Variants in RAD51D observed in about 807,000 individuals in gnomAD.
RAD51D encodes the protein RAD51 paralog D.
RAD51D carries 38 observed loss-of-function variants against 44.1 expected under a neutral mutation model. That is an observed-to-expected ratio of 0.86 (90% CI 0.67 to 1.13). The LOEUF (loss-of-function observed/expected upper bound fraction) is 1.13, where lower values mean the gene tolerates loss of function less well. Among genes scored for constraint, RAD51D ranks in the 50% most tolerant of loss-of-function variants. The pLI is 0.00. For synonymous variants in RAD51D, 141 were observed against 166.6 expected (o/e 0.85, Z 1.18); for missense variants, 390 against 414.0 (o/e 0.94, Z 0.50).
chr17:35,113,271 ATTTT>A (rs377252265), intron 3 of RAD51D, among the ~76,000 whole-genome samples: 1 of 147,284 alleles, frequency 6.8e-6, no homozygotes, highest in African/African-American at 2.5e-5. Flanking sequence ...CATCCCATCC[ATTTT>A]TTTTTTCTTT....
In RAD51D at chr17:35,119,130, T is replaced by G. The variant is rs2091788311; in HGVS notation, c.125A>C (p.Lys42Thr). 2 of 1,613,774 alleles carry G rather than the reference T, an allele frequency of 1.2e-6. No homozygotes were observed. The highest frequency in any genetic ancestry group is 2.7e-5 in the African/African-American group (2 of 74,928). The change falls in exon 2 of 10, where the codon AAA (lysine) becomes ACA (threonine). Residue 42 changes from lysine (K) to threonine (T), a missense_variant. Transcript: ENST00000345365. ...GCTCACCTTGTAAGACAAGCCACATTTCTGAGCTACCTCTTCCAGGTCTGC... is the reference window on the plus strand; with the variant it reads ...GCTCACCTTGTAAGACAAGCCACATGTCTGAGCTACCTCTTCCAGGTCTGC... ...VSADLEEVAQ[K>T]CGLSYKALVA...
At chr17:35,105,976 G>T (rs753318224) in intron 6 of RAD51D, among the ~76,000 whole-genome samples, 7 of 152,284 alleles carry the variant, frequency 4.6e-5, no homozygotes, top group Non-Finnish European at 1.0e-4. Flanking sequence ...ACCATGAGGG[G>T]AAGAACAAGA....
At chr17:35,115,356 A>T (rs912001809) in intron 3 of RAD51D, 2 of 498,306 alleles carry the variant, frequency 4.0e-6, no homozygotes, top group Non-Finnish European at 8.0e-6. Context: ...ATAAGGAATA[A>T]TCAATCTCCC....
chr17:35,099,194 G>A lies in RAD51D; in HGVS notation c.*1759C>T, dbSNP rs1402872824. On this transcript the variant is annotated 3_prime_UTR_variant, in exon 10 of 10. Coordinates refer to ENST00000345365, the MANE Select transcript of RAD51D (RefSeq NM_002878.4). ...CTGCAGTCCTAGGGTCCTCAGTTAG[G>A]TATTAAGTACCTGAACTCACTACAT... 1.3e-5 allele frequency: 2 copies of A among 154,920 alleles called. No homozygotes were observed. The allele number at this position is 154,920 out of a possible 1,614,324, so 9.6% of individuals were successfully genotyped here.
chr17:35,117,199 G>A (rs1047520101), intron 3 of RAD51D, among the ~76,000 whole-genome samples: 2 of 152,118 alleles, frequency 1.3e-5, no homozygotes, highest in Non-Finnish European at 2.9e-5. Context: ...TGCCTCATTC[G>A]TGTATGTATC....
chr17:35,108,022 T>C (rs1364328686), intron 3 of RAD51D, among the ~76,000 whole-genome samples: 1 of 151,872 alleles, frequency 6.6e-6, no homozygotes, highest in African/African-American at 2.4e-5. Context: ...AGTGCTGCAA[T>C]TATAGGCGTG....
chr17:35,098,651 C>T lies in RAD51D; in HGVS notation c.*2302G>A, dbSNP rs2091503911. 6.6e-6 allele frequency: 1 copy of T among 152,044 alleles called. No homozygotes were observed. The highest frequency in any genetic ancestry group is 6.6e-5 in the Admixed American group (1 of 15,226). The allele number at this position is 152,044 out of a possible 1,614,324, so 9.4% of individuals were successfully genotyped here. On this transcript the variant is annotated 3_prime_UTR_variant, in exon 10 of 10. Transcript: ENST00000345365. ...GAACTCCTGACCTTAGGTGATCCAC[C>T]CACCTCAGCCTCCCAAAGTGCTGGG... is the stretch of plus-strand genomic sequence containing the variant.
In RAD51D at chr17:35,103,071, A is replaced by C. The variant is rs1272486961; in HGVS notation, c.738+183T>G. On this transcript the variant is annotated intron_variant, in intron 8 of 9. Transcript: ENST00000345365. The surrounding 1 kb of genome is among the most constrained non-coding windows in gnomAD (Gnocchi z 4.1). ...TAGAAACAAAACAAAACAACAAAAA[A>C]ACAACAAGACGATTCCTGATTCCCT... Among the ~76,000 whole-genome samples the C allele has an allele frequency of 1.3e-5, 2 of 152,164 alleles. No individual in the cohort carries two copies. The highest frequency in any genetic ancestry group is 1.3e-4 in the Admixed American group (2 of 15,274).
In RAD51D at chr17:35,095,967, C is replaced by G. The variant is rs2091484012; in HGVS notation, c.*4986G>C. On this transcript the variant is annotated 3_prime_UTR_variant, in exon 10 of 10. Coordinates refer to ENST00000345365, the MANE Select transcript of RAD51D (RefSeq NM_002878.4). ...AGTGGGTTCCAGGCAGCCAACTATT[C>G]AAACCATTTTCAAATAAGGCAAAGG... is the stretch of plus-strand genomic sequence containing the variant. 6.6e-6 allele frequency: 1 copy of G among 152,162 alleles called. No individual in the cohort carries two copies. The highest frequency in any genetic ancestry group is 2.4e-5 in the African/African-American group (1 of 41,440). The allele number at this position is 152,162 out of a possible 1,614,324, so 9.4% of individuals were successfully genotyped here.
Position 35,094,112 on chromosome 17 carries a change from GTTT to G in RAD51D, c.*6838_*6840del, listed in dbSNP as rs1425587481. The stretch of plus-strand genomic sequence containing the variant: ...GGATGCATAGGCCCTGTTTTGTTTT[GTTT>G]TTTTGAGATGGAGTCTTGTTCCGTC... On this transcript the variant is annotated 3_prime_UTR_variant, in exon 10 of 10. Transcript: ENST00000345365. 1 of 152,246 alleles carries G rather than the reference GTTT, an allele frequency of 6.6e-6. No homozygotes were observed. Among genetic ancestry groups the G allele is most frequent in the East Asian group, 1.9e-4 (1 of 5,200 alleles). 9.4% of individuals were successfully genotyped at this position (152,246 alleles called of 1,614,324 possible).
In RAD51D at chr17:35,100,064, G is replaced by A. The variant is rs568016215; in HGVS notation, c.*889C>T. 9.4e-6 allele frequency: 5 copies of A among 532,776 alleles called. No homozygotes were observed. Among genetic ancestry groups the A allele is most frequent in the South Asian group, 7.7e-5 (5 of 65,168 alleles). The allele number at this position is 532,776 out of a possible 1,614,324, so 33.0% of individuals were successfully genotyped here. ...TTTCCCAGCTGGCTCTATTTACTGT[G>A]CAAATTCTCCTCTGTCTGTTTATGG... On this transcript the variant is annotated 3_prime_UTR_variant, in exon 10 of 10. Transcript: ENST00000345365.
At chr17:35,116,716 G>C in intron 3 of RAD51D, 1 of 661,578 alleles carries the variant, frequency 1.5e-6, no homozygotes, top group Admixed American at 2.3e-5. Context: ...GGACAGTCTC[G>C]ATTTCCTGAC....
intron 3 of RAD51D, 76 bp from the exon 4 acceptor site, chr17:35,107,523 A>C (rs535777138): frequency 9.2e-6 from 11 of 1,191,784 alleles, no homozygotes; most frequent in Non-Finnish European, 1.4e-5. Flanking sequence ...GAAGAAAAGT[A>C]AGACATTTCT....
chr17:35,107,228 C>A (rs367651345), intron 4 of RAD51D, 106 bp from the exon 5 acceptor site: 1 of 1,491,756 alleles, frequency 6.7e-7, no homozygotes, highest in South Asian at 1.1e-5. Context: ...GGCTGAGTCC[C>A]GACCCCATTC....
At position 35,099,513 on chromosome 17, in the gene RAD51D, G is replaced by A; in HGVS notation, c.*1440C>T. The stretch of plus-strand genomic sequence containing the variant: ...AAGATACTGAAGATTAATTTCTCCT[G>A]AGGTCTTCTGTGAAAGCAAGCGCTA... On this transcript the variant is annotated 3_prime_UTR_variant, in exon 10 of 10. Transcript: ENST00000345365. The A allele has an allele frequency of 3.8e-6, 1 of 264,980 alleles. No individual in the cohort carries two copies. Among genetic ancestry groups the A allele is most frequent in the South Asian group, 4.5e-5 (1 of 22,344 alleles). 16.4% of individuals were successfully genotyped at this position (264,980 alleles called of 1,614,324 possible). A position where few individuals can be genotyped will look rare whatever the true frequency, so the allele number is the denominator to read the frequency against.
chr17:35,109,348 T>C (rs2091648637), intron 3 of RAD51D, among the ~76,000 whole-genome samples: 1 of 152,226 alleles, frequency 6.6e-6, no homozygotes, highest in Non-Finnish European at 1.5e-5. Flanking sequence ...CTACTATAAA[T>C]AAAACTGCTA....
rs567683181 is a variant in RAD51D at position 35,118,713 on chromosome 17, C to T, written c.145-94G>A. 337 of 938,062 alleles carry T rather than the reference C, an allele frequency of 3.6e-4. 3 individuals carry two copies. Among genetic ancestry groups the T allele is most frequent in the Middle Eastern group, 2.5e-3 (10 of 3,976 alleles). 58.1% of individuals were successfully genotyped at this position (938,062 alleles called of 1,614,324 possible). On this transcript the variant is annotated intron_variant, in intron 2 of 9. Transcript: ENST00000345365. ...ACCCTACTTCTCAATATCTGAGAAC[C>T]CTCTGCTCCCTTTGGCTTGGGATGG... is the stretch of plus-strand genomic sequence containing the variant.
rs201720876 is a variant in RAD51D at position 35,117,027 on chromosome 17, G to A, written c.263+1474C>T. 187 of 1,612,642 alleles carry A rather than the reference G, an allele frequency of 1.2e-4. No homozygotes were observed. The East Asian group carries it at 3.1e-3, about 26-fold the overall frequency. Reference sequence around the variant, plus strand: ...TCCTCCCAGGTTCCCACTTGAGTGCGCCCTCCATGTCTGTTGGATTTATAA... The same window carrying A: ...TCCTCCCAGGTTCCCACTTGAGTGCACCCTCCATGTCTGTTGGATTTATAA... On this transcript the variant is annotated intron_variant, in intron 3 of 9. Coordinates refer to ENST00000345365, the MANE Select transcript of RAD51D (RefSeq NM_002878.4).
chr17:35,116,684 C>T (rs2091752436), intron 3 of RAD51D, among the ~76,000 whole-genome samples: 3 of 152,100 alleles, frequency 2.0e-5, no homozygotes, highest in Admixed American at 6.6e-5. Flanking sequence ...TTAGTAGAGA[C>T]GGGGTTTTAC....
Sources: allele counts gnomAD v4.1 joint callset (sites outside exome capture counted in the v4.1 genomes callset), GRCh38; gene constraint gnomAD v4.1.1; non-coding constraint Gnocchi (gnomAD v3.1); transcripts MANE v1.5; gene names NCBI Gene and HGNC (gene_info 2026-07-23, HGNC 2026-07-21).